YBX3: variants seen among roughly 807,000 people sequenced by gnomAD.
YBX3 encodes the protein Y-box-binding protein 3.
Under a neutral mutation model 42.4 loss-of-function variants are expected in YBX3, and 29 were observed. The ratio of observed to expected loss-of-function variants is 0.68; its 90% confidence interval spans 0.51 to 0.93. The LOEUF (loss-of-function observed/expected upper bound fraction) is 0.93. YBX3 is among the 40% of genes least tolerant of loss of function. The pLI is 0.00. For synonymous variants in YBX3, 195 were observed against 189.8 expected (o/e 1.03, Z -0.22); for missense variants, 517 against 527.5 (o/e 0.98, Z 0.19).
At chr12:10,722,403 C>T (rs1301418954) in intron 1 of YBX3, 1 of 153,370 alleles carries the variant, frequency 6.5e-6, no homozygotes, top group African/African-American at 2.4e-5. Flanking sequence ...GAAATGCTCT[C>T]CTTTCCCAGA....
rs138263132 is a variant in YBX3, at chr12:10,708,627, A to G, written c.780+1281T>C. Among the ~76,000 whole-genome samples, 14 of 152,372 alleles carry G rather than the reference A, an allele frequency of 9.2e-5. 1 individual carries two copies. The East Asian group carries it at 2.7e-3, about 29-fold the overall frequency. ...CTTTTACTTCTGACATGGAATAGGTAGGAAAGTCAGCCATTCAGTCAATTA... is the reference window on the plus strand; with the variant it reads ...CTTTTACTTCTGACATGGAATAGGTGGGAAAGTCAGCCATTCAGTCAATTA... On this transcript the variant is annotated intron_variant, in intron 6 of 9. Transcript: ENST00000228251.
chr12:10,712,132 T>A (rs371778751), intron 5 of YBX3: 1 of 152,194 alleles, frequency 6.6e-6, no homozygotes, highest in African/African-American at 2.4e-5. Flanking sequence ...CAGAAAGATA[T>A]AAAGCTATCA....
At chr12:10,721,709 C>T (rs946351701) in intron 1 of YBX3, among the ~76,000 whole-genome samples, 1 of 152,162 alleles carries the variant, frequency 6.6e-6, no homozygotes, top group African/African-American at 2.4e-5. Flanking sequence ...GCTCCCTCAA[C>T]TTTCTTCCCA....
At chr12:10,716,648 G>C (rs1214274930) in intron 3 of YBX3, among the ~76,000 whole-genome samples, 1 of 152,104 alleles carries the variant, frequency 6.6e-6, no homozygotes, top group East Asian at 1.9e-4. Flanking sequence ...CGTTTCTATG[G>C]AACTAGGTCA....
intron 6 of YBX3, 21 bp from the exon 7 acceptor site, chr12:10,704,169 G>A (rs1948112647): frequency 1.9e-6 from 3 of 1,598,620 alleles, no homozygotes; most frequent in African/African-American, 1.3e-5. Flanking sequence ...AATGAGAGCT[G>A]ACAGTGAGTG....
At chr12:10,720,532 A>T (rs907712749) in intron 1 of YBX3, among the ~76,000 whole-genome samples, 2 of 152,112 alleles carry the variant, frequency 1.3e-5, no homozygotes, top group African/African-American at 4.8e-5. Flanking sequence ...GGCAAAGGAG[A>T]AAAAAACAGT....
chr12:10,707,117 G>A (rs1280662698), intron 6 of YBX3, among the ~76,000 whole-genome samples: 3 of 152,124 alleles, frequency 2.0e-5, no homozygotes, highest in Non-Finnish European at 2.9e-5. Flanking sequence ...CCTGGGACCT[G>A]ATGGACTTGA....
intron 4 of YBX3, among the ~76,000 whole-genome samples, chr12:10,715,482 G>T (rs1461466399): frequency 1.3e-5 from 2 of 151,986 alleles, no homozygotes; most frequent in African/African-American, 4.8e-5. Context: ...GATGGTGGAA[G>T]TTGCAGTGAA....
chr12:10,713,997 C>G (rs1456100318), intron 4 of YBX3, among the ~76,000 whole-genome samples: 1 of 152,192 alleles, frequency 6.6e-6, no homozygotes. Context: ...GTGTATTTCA[C>G]ACCCTACATC....
At chr12:10,707,881 T>C (rs1196980387) in intron 6 of YBX3, among the ~76,000 whole-genome samples, 1 of 152,174 alleles carries the variant, frequency 6.6e-6, no homozygotes, top group East Asian at 1.9e-4. Flanking sequence ...GAAACAGCAA[T>C]TAACGTGTAT....
In YBX3 at chr12:10,713,283, C is replaced by T. The variant is rs1185160657; in HGVS notation, c.501G>A (p.Gly167=). 6.2e-7 allele frequency: 1 copy of T among 1,613,952 alleles called. No homozygotes were observed. Among genetic ancestry groups the T allele is most frequent in the Non-Finnish European group, 8.5e-7 (1 of 1,180,044 alleles). The part of the protein sequence containing the change: ...VTGPDGVPVE[G]SRYAADRRRY... ...GGCGCCGATCTGCAGCGTAACGACT[C>T]CCTTCCACAGGAACTCCATCCGGGC... The change falls in exon 5 of 10, where the codon GGG becomes GGA. Residue 167 remains glycine (G), a synonymous_variant. Transcript: ENST00000228251.
At chr12:10,721,918 G>A (rs567934483) in intron 1 of YBX3, 22 of 152,340 alleles carry the variant, frequency 1.4e-4, no homozygotes, top group African/African-American at 5.1e-4. Context: ...CGTTACTTAC[G>A]AAAAGAACGC....
chr12:10,702,860 T>C (rs1465163184), intron 7 of YBX3: 1 of 152,220 alleles, frequency 6.6e-6, no homozygotes, highest in Non-Finnish European at 1.5e-5. Context: ...GTTTTAAAAT[T>C]AAATATTTAA....
chr12:10,715,325 A>T (rs893538478), intron 4 of YBX3, among the ~76,000 whole-genome samples: 4 of 151,756 alleles, frequency 2.6e-5, no homozygotes, highest in Non-Finnish European at 5.9e-5. Context: ...CAGGTGGATC[A>T]CCTAAGGTCA....
intron 4 of YBX3, among the ~76,000 whole-genome samples, chr12:10,715,034 G>A (rs1591581180): frequency 6.6e-6 from 1 of 151,800 alleles, no homozygotes; most frequent in African/African-American, 2.4e-5. Flanking sequence ...ACAGGTGTGG[G>A]CCACCACGCC....
chr12:10,713,292 A>G lies in YBX3; in HGVS notation c.492T>C (p.Pro164=), dbSNP rs138612290. The part of the protein sequence containing the change: ...AANVTGPDGV[P]VEGSRYAADR... ...CTGCAGCGTAACGACTCCCTTCCAC[A>G]GGAACTCCATCCGGGCCAGTCACAT... The change falls in exon 5 of 10, where the codon CCT becomes CCC. Residue 164 remains proline (P), a synonymous_variant. Coordinates refer to ENST00000228251, the MANE Select transcript of YBX3 (RefSeq NM_003651.5). 175 of 1,613,992 alleles carry G rather than the reference A, an allele frequency of 1.1e-4. No homozygotes were observed. The highest frequency in any genetic ancestry group is 9.5e-5 in the Non-Finnish European group (112 of 1,180,040).
Position 10,702,001 on chromosome 12 carries a change from G to T in YBX3, c.1012C>A (p.Arg338Ser). ...GYRRPYNYRR[R>S]PRPPNAPSQD... ...GAAGGAGCGTTAGGAGGACGCGGGC[G>T]ACGCCGGTAATTGTAGGGACGCCGG... is the stretch of plus-strand genomic sequence containing the variant. The change falls in exon 8 of 10, where the codon CGC becomes AGC. Residue 338 changes from arginine to serine, a missense_variant. Transcript: ENST00000228251. The T allele has an allele frequency of 6.2e-7, 1 of 1,613,960 alleles. No homozygotes were observed. The highest frequency in any genetic ancestry group is 1.3e-5 in the African/African-American group (1 of 75,046).
chr12:10,707,519 G>C (rs1196419205), intron 6 of YBX3, among the ~76,000 whole-genome samples: 1 of 152,032 alleles, frequency 6.6e-6, no homozygotes, highest in African/African-American at 2.4e-5. Context: ...ACCTTCCACT[G>C]CCAGCTTCTC....
chr12:10,710,695 C>A, intron 5 of YBX3: 1 of 657,158 alleles, frequency 1.5e-6, no homozygotes, highest in Non-Finnish European at 2.4e-6. Flanking sequence ...TGGGGTCTCC[C>A]AAAGGCTACA....
Sources: allele counts gnomAD v4.1 joint callset (sites outside exome capture counted in the v4.1 genomes callset), GRCh38; gene constraint gnomAD v4.1.1; transcripts MANE v1.5; gene names NCBI Gene and HGNC (gene_info 2026-07-23, HGNC 2026-07-21).